TRPC4: variants seen among roughly 807,000 people sequenced by gnomAD.
The protein encoded by TRPC4 is short transient receptor potential channel 4.
Under a neutral mutation model 99.4 loss-of-function variants are expected in TRPC4, and 49 were observed. The observed-to-expected ratio is 0.49, with a 90% confidence interval of 0.39 to 0.63. The LOEUF (loss-of-function observed/expected upper bound fraction) is 0.63. Among genes scored for constraint, TRPC4 ranks in the 20% least tolerant of loss-of-function variants. The probability of loss-of-function intolerance (pLI) is 0.00; values close to 1 mark genes in which losing one functional copy is unlikely to be tolerated. For synonymous variants in TRPC4, 454 were observed against 425.9 expected, an observed-to-expected ratio of 1.07 and a Z score of -0.81; for missense variants, 898 against 1,152.9, an observed-to-expected ratio of 0.78 and a Z score of 3.20.
chr13:37,793,633 A>T (rs1957175603), intron 1 of TRPC4, among the ~76,000 whole-genome samples: 1 of 152,142 alleles, frequency 6.6e-6, no homozygotes. Context: ...ATGTTTGACA[A>T]AGCATTCAAC....
intron 10 of TRPC4, among the ~76,000 whole-genome samples, chr13:37,637,834 G>A (rs1951583430): frequency 6.6e-6 from 1 of 152,092 alleles, no homozygotes; most frequent in Non-Finnish European, 1.5e-5. Context: ...GAATTGGGAA[G>A]GACACTTCCT....
chr13:37,817,748 T>G (rs113649671), intron 1 of TRPC4, among the ~76,000 whole-genome samples: 4,912 of 151,936 alleles, frequency 0.032, 270 homozygotes, highest in African/African-American at 0.11. Flanking sequence ...CTACAACTAT[T>G]CAATCTTTGA....
intron 6 of TRPC4, among the ~76,000 whole-genome samples, chr13:37,661,418 G>C (rs1052480149): frequency 1.3e-5 from 2 of 152,196 alleles, no homozygotes; most frequent in Non-Finnish European, 2.9e-5. Context: ...AGAGGAATCA[G>C]ATAGGTGAGA....
Position 37,707,518 on chromosome 13 carries a change from G to A in TRPC4, c.898-15183C>T, listed in dbSNP as rs566194807. ...AACAGAGTGTTTAGTAGTTAGTTAC[G>A]TATATACAATCTGATTACAAAGTCC... On this transcript the variant is annotated intron_variant, in intron 3 of 10. Coordinates refer to ENST00000379705, the MANE Select transcript of TRPC4 (RefSeq NM_016179.4). 3.6e-4 allele frequency among the ~76,000 whole-genome samples: 55 copies of A among 152,176 alleles called. No homozygotes were observed. The South Asian group carries it at 0.011, about 30-fold the overall frequency.
intron 5 of TRPC4, among the ~76,000 whole-genome samples, chr13:37,668,053 G>T (rs10507456): frequency 6.6e-6 from 1 of 152,068 alleles, no homozygotes; most frequent in South Asian, 2.1e-4. Context: ...CCTTTACCCC[G>T]ACTGCAGATG....
Position 37,633,623 on chromosome 13 carries a change from T to G in TRPC4, c.*3280A>C, listed in dbSNP as rs986707547. On this transcript the variant is annotated 3_prime_UTR_variant, in exon 11 of 11. Transcript: ENST00000379705. ...CATGGTGAGTCTACTATCCTTGACT[T>G]TTCATCAATTTGTTTCATCACTAAA... Among the ~76,000 whole-genome samples the G allele has an allele frequency of 6.6e-6, 1 of 152,176 alleles. No individual in the cohort carries two copies. Among genetic ancestry groups the G allele is most frequent in the African/African-American group, 2.4e-5 (1 of 41,454 alleles).
chr13:37,643,299 T>C (rs1951780403), intron 8 of TRPC4, among the ~76,000 whole-genome samples: 1 of 152,162 alleles, frequency 6.6e-6, no homozygotes. Context: ...AAACCAGAGA[T>C]GAATAAAGCA....
intron 1 of TRPC4, among the ~76,000 whole-genome samples, chr13:37,795,845 G>A (rs996903485): frequency 6.6e-6 from 1 of 152,024 alleles, no homozygotes; most frequent in Non-Finnish European, 1.5e-5. Context: ...AGACATTTGG[G>A]AATATGAAAG....
chr13:37,643,400 G>A lies in TRPC4; in HGVS notation c.2080-4101C>T, dbSNP rs775470294. On this transcript the variant is annotated intron_variant, in intron 8 of 10. Coordinates refer to ENST00000379705, the MANE Select transcript of TRPC4 (RefSeq NM_016179.4). The stretch of plus-strand genomic sequence containing the variant: ...TGAAGGCAAATACAAAAGAAAACAC[G>A]GGAAGTGCTGTAAGTGTGATATTTG... 5.8e-4 allele frequency among the ~76,000 whole-genome samples: 88 copies of A among 152,160 alleles called. 1 individual carries two copies. Among genetic ancestry groups the A allele is most frequent in the Non-Finnish European group, 1.1e-3 (75 of 68,040 alleles).
chr13:37,696,224 C>A (rs1953899825), intron 3 of TRPC4, among the ~76,000 whole-genome samples: 1 of 152,120 alleles, frequency 6.6e-6, no homozygotes, highest in African/African-American at 2.4e-5. Context: ...ATGGGAAAGA[C>A]CTGCCCCCAT....
At chr13:37,687,755 G>A (rs775980132) in intron 4 of TRPC4, among the ~76,000 whole-genome samples, 15 of 152,090 alleles carry the variant, frequency 9.9e-5, no homozygotes, top group Admixed American at 2.0e-4. Flanking sequence ...TTCTAGCCTC[G>A]AGCTCTTTCT....
chr13:37,714,853 A>C (rs1954608747), intron 3 of TRPC4, among the ~76,000 whole-genome samples: 1 of 152,136 alleles, frequency 6.6e-6, no homozygotes, highest in South Asian at 2.1e-4. Context: ...CTAGTACTTT[A>C]ATTTGAGCCA....
intron 1 of TRPC4, among the ~76,000 whole-genome samples, chr13:37,861,795 T>C (rs1959353757): frequency 1.3e-5 from 2 of 151,520 alleles, no homozygotes; most frequent in African/African-American, 4.8e-5. Context: ...TCTCTTTTTA[T>C]ACAGCACATG....
intron 4 of TRPC4, among the ~76,000 whole-genome samples, chr13:37,677,034 T>C (rs1372436979): frequency 1.3e-5 from 2 of 151,910 alleles, no homozygotes; most frequent in Non-Finnish European, 2.9e-5. Flanking sequence ...ATTGTAATTG[T>C]CAACATAGGT....
intron 8 of TRPC4, among the ~76,000 whole-genome samples, chr13:37,648,172 A>C (rs1363257037): frequency 6.6e-6 from 1 of 152,050 alleles, no homozygotes; most frequent in East Asian, 1.9e-4. Flanking sequence ...CTATCTCTTG[A>C]CCTTGTGATC....
chr13:37,666,357 G>A (rs1952647106), intron 5 of TRPC4, among the ~76,000 whole-genome samples: 1 of 152,094 alleles, frequency 6.6e-6, no homozygotes, highest in Non-Finnish European at 1.5e-5. Context: ...TGGGGCATGG[G>A]GAACCAGTGC....
At chr13:37,701,045 A>C in intron 3 of TRPC4, among the ~76,000 whole-genome samples, 1 of 152,182 alleles carries the variant, frequency 6.6e-6, no homozygotes, top group Non-Finnish European at 1.5e-5. Flanking sequence ...GAAACAGCAG[A>C]GGCAACACAG....
chr13:37,851,391 C>T (rs1392802130), intron 1 of TRPC4, among the ~76,000 whole-genome samples: 1 of 152,038 alleles, frequency 6.6e-6, no homozygotes, highest in Non-Finnish European at 1.5e-5. Flanking sequence ...GCACATAACC[C>T]TGTTATTGGA....
intron 1 of TRPC4, among the ~76,000 whole-genome samples, chr13:37,852,018 G>A (rs527446380): frequency 6.6e-6 from 1 of 152,272 alleles, no homozygotes; most frequent in African/African-American, 2.4e-5. Context: ...GCCATCATGG[G>A]CCAAAGTGCT....
Sources: gnomAD v4.1 joint callset for allele counts (sites outside exome capture counted in the v4.1 genomes callset) on GRCh38, gnomAD v4.1.1 for gene constraint, MANE v1.5 for transcripts, NCBI Gene and HGNC (gene_info 2026-07-23, HGNC 2026-07-21) for gene names.